SDK2: variants seen among roughly 807,000 people sequenced by gnomAD.
SDK2 encodes sidekick cell adhesion molecule 2.
In SDK2, 105 loss-of-function variants were observed where a neutral mutation model predicts 253.9. The observed-to-expected ratio is 0.41, with a 90% confidence interval of 0.35 to 0.49. The LOEUF is 0.49. Ranked by LOEUF, SDK2 falls within the 20% of genes least tolerant of loss-of-function variation. SDK2 has a pLI of 0.06. For missense variants in SDK2, 2,608 were observed against 3,003.0 expected (o/e 0.87, Z 3.07); for synonymous variants, 1,249 against 1,234.9 (o/e 1.01, Z -0.24).
At chr17:73,457,802 G>C (rs56364001) in intron 3 of SDK2, among the ~76,000 whole-genome samples, 32,008 of 151,938 alleles carry the variant, frequency 0.21, 4,441 homozygotes, top group East Asian at 0.59. Context: ...CTAAGCTACC[G>C]GGTCCCCTCC....
At chr17:73,466,960 C>T (rs1236369466) in intron 3 of SDK2, among the ~76,000 whole-genome samples, 1 of 152,164 alleles carries the variant, frequency 6.6e-6, no homozygotes, top group Non-Finnish European at 1.5e-5. Context: ...GCTTTCGGAC[C>T]TCCATCCCCA....
chr17:73,592,315 C>T (rs1339935825), intron 1 of SDK2, among the ~76,000 whole-genome samples: 1 of 152,230 alleles, frequency 6.6e-6, no homozygotes, highest in Non-Finnish European at 1.5e-5. Context: ...GGCTGCATTG[C>T]ACCTGCCAGC....
intron 7 of SDK2, 31 bp downstream of exon 7, chr17:73,437,931 CAG>C: frequency 1.3e-6 from 2 of 1,568,614 alleles, no homozygotes; most frequent in Non-Finnish European, 1.7e-6. Flanking sequence ...CCCTACCCCT[CAG>C]GGGAGCCCTA....
chr17:73,488,374 A>T (rs549043250), intron 2 of SDK2, among the ~76,000 whole-genome samples: 1 of 152,374 alleles, frequency 6.6e-6, no homozygotes, highest in East Asian at 1.9e-4. Context: ...GCTTGTTTTC[A>T]AACACACATT....
chr17:73,450,601 C>G (rs1330684034), intron 4 of SDK2, among the ~76,000 whole-genome samples: 1 of 152,222 alleles, frequency 6.6e-6, no homozygotes, highest in Admixed American at 6.5e-5. Flanking sequence ...CCCTTTTGGT[C>G]TCCAAGAAGG....
rs1311592449 is a variant in SDK2 at position 73,541,282 on chromosome 17, C to G, written c.65-33685G>C. Among the ~76,000 whole-genome samples, 1 of 152,146 alleles carries G rather than the reference C, an allele frequency of 6.6e-6. No homozygotes were observed. The highest frequency in any genetic ancestry group is 1.5e-5 in the Non-Finnish European group (1 of 68,014). On this transcript the variant is annotated intron_variant, in intron 1 of 44. Transcript: ENST00000392650. This position sits in a 1 kb window ranked among gnomAD's most constrained non-coding sequence, Gnocchi z 4.3. Reference sequence around the variant, plus strand: ...TGTGGAAAGAGCTGCCTGCCAGGAGCTCTCCACCCTTCTAAAAGGTGGACC... The same window carrying G: ...TGTGGAAAGAGCTGCCTGCCAGGAGGTCTCCACCCTTCTAAAAGGTGGACC...
At chr17:73,369,549 G>A in intron 36 of SDK2, among the ~76,000 whole-genome samples, 1 of 152,252 alleles carries the variant, frequency 6.6e-6, no homozygotes, top group Non-Finnish European at 1.5e-5. Context: ...TCCGTGTGAG[G>A]GGTGCAGGTT....
chr17:73,557,824 T>C (rs1265447481), intron 1 of SDK2, among the ~76,000 whole-genome samples: 4 of 152,182 alleles, frequency 2.6e-5, no homozygotes, highest in African/African-American at 9.7e-5. Context: ...TTCCTTAAAC[T>C]CTGTGAGTCC....
At chr17:73,392,394 C>T (rs1182798422) in intron 27 of SDK2, among the ~76,000 whole-genome samples, 1 of 152,032 alleles carries the variant, frequency 6.6e-6, no homozygotes, top group African/African-American at 2.4e-5. Context: ...CTCAGCCTCC[C>T]AGTAGCTGAG....
chr17:73,630,353 C>T (rs1017367462), intron 1 of SDK2, among the ~76,000 whole-genome samples: 1 of 152,180 alleles, frequency 6.6e-6, no homozygotes, highest in South Asian at 2.1e-4. Context: ...ATGAGACCCA[C>T]TGCTCTAGGC....
intron 2 of SDK2, among the ~76,000 whole-genome samples, chr17:73,475,721 C>T (rs1325406892): frequency 6.6e-6 from 1 of 152,112 alleles, no homozygotes; most frequent in Admixed American, 6.5e-5. Flanking sequence ...TAAAAGCACG[C>T]GATAGCAAGA....
rs9909414 is a variant in SDK2 at position 73,534,317 on chromosome 17, C to T, written c.65-26720G>A. Among the ~76,000 whole-genome samples, 61,395 of 151,960 alleles carry T rather than the reference C, an allele frequency of 0.4. 12,656 individuals are homozygous for T. The highest frequency in any genetic ancestry group is 0.6 in the East Asian group (3,111 of 5,154). ...AAGGGGAGTGGCATTAAATAGCTGG[C>T]GGCAGGGAGACACAGCTGTCCATGA... On this transcript the variant is annotated intron_variant, in intron 1 of 44. Transcript: ENST00000392650. This position sits in a 1 kb window ranked among gnomAD's most constrained non-coding sequence, Gnocchi z 4.9.
In SDK2 at chr17:73,338,917, G is replaced by C; in HGVS notation, c.6189C>G (p.Val2063=). Reference sequence around the variant, plus strand: ...AGTGGGCCTTCTGGTGGTTTGAGTCGACCTCGTACTCGCTGTCACTTCCCT... The same window carrying C: ...AGTGGGCCTTCTGGTGGTTTGAGTCCACCTCGTACTCGCTGTCACTTCCCT... ...DSQGSDSEYE[V]DSNHQKAHSF... is the part of the protein sequence containing the mutation. The change falls in exon 45 of 45, where the codon GTC becomes GTG. Residue 2063 remains valine (V), a synonymous_variant. Coordinates refer to ENST00000392650, the MANE Select transcript of SDK2 (RefSeq NM_001144952.2). The surrounding 1 kb of genome is among the most constrained non-coding windows in gnomAD (Gnocchi z 5.0). The C allele has an allele frequency of 7.4e-6, 12 of 1,613,966 alleles. No homozygotes were observed. Among genetic ancestry groups the C allele is most frequent in the Non-Finnish European group, 1.0e-5 (12 of 1,179,880 alleles).
chr17:73,430,454 G>T (rs2145606415), intron 12 of SDK2, 57 bp downstream of exon 12: 1 of 1,310,840 alleles, frequency 7.6e-7, no homozygotes, highest in Non-Finnish European at 1.1e-6. Flanking sequence ...CCAGCTACAA[G>T]CTATTGCCAG....
chr17:73,571,499 G>A (rs2045385337), intron 1 of SDK2, among the ~76,000 whole-genome samples: 1 of 152,188 alleles, frequency 6.6e-6, no homozygotes, highest in African/African-American at 2.4e-5. Context: ...CATCGATCTG[G>A]GTCCTGGGGG....
intron 18 of SDK2, among the ~76,000 whole-genome samples, chr17:73,404,289 G>A (rs1253397408): frequency 6.6e-6 from 1 of 152,166 alleles, no homozygotes; most frequent in Non-Finnish European, 1.5e-5. Flanking sequence ...AGTTGCACGT[G>A]GAGAGGAGGA....
Position 73,352,727 on chromosome 17 carries a change from C to G in SDK2, c.5594-90G>C, listed in dbSNP as rs531330687. 2.1e-4 allele frequency: 293 copies of G among 1,377,612 alleles called. 1 individual carries two copies. The African/African-American group carries it at 3.5e-3, about 17-fold the overall frequency. The allele number at this position is 1,377,612 out of a possible 1,614,324, so 85.3% of individuals were successfully genotyped here. ...CCGTTCTGACTATGCTCCCTGAGGGCTGGGCCTGTTGGATCCTCCCTGCTC... is the reference window on the plus strand; with the variant it reads ...CCGTTCTGACTATGCTCCCTGAGGGGTGGGCCTGTTGGATCCTCCCTGCTC... On this transcript the variant is annotated intron_variant, in intron 40 of 44. Transcript: ENST00000392650. The surrounding 1 kb of genome is among the most constrained non-coding windows in gnomAD (Gnocchi z 4.1).
At chr17:73,564,773 C>T (rs374890073) in intron 1 of SDK2, among the ~76,000 whole-genome samples, 24 of 151,524 alleles carry the variant, frequency 1.6e-4, no homozygotes, top group African/African-American at 4.9e-4. Context: ...TGCAGTGGGC[C>T]GAGATCGCGC....
At chr17:73,409,669 A>G (rs141526223) in intron 18 of SDK2, among the ~76,000 whole-genome samples, 237 of 152,212 alleles carry the variant, frequency 1.6e-3, no homozygotes, top group East Asian at 9.9e-3. Context: ...AAGGGGAAAA[A>G]TGCTCATTCT....
Sources: allele counts gnomAD v4.1 joint callset (sites outside exome capture counted in the v4.1 genomes callset), GRCh38; gene constraint gnomAD v4.1.1; non-coding constraint Gnocchi (gnomAD v3.1); transcripts MANE v1.5; gene names NCBI Gene and HGNC (gene_info 2026-07-23, HGNC 2026-07-21).